Variants in CYP2J2 observed in about 807,000 individuals in gnomAD.
CYP2J2 encodes cytochrome P450 2J2.
CYP2J2 carries 41 observed loss-of-function variants against 48.8 expected under a neutral mutation model. The observed-to-expected ratio is 0.84, with a 90% CI of 0.66 to 1.09. The LOEUF (loss-of-function observed/expected upper bound fraction) is 1.09, where lower values mean the gene tolerates loss of function less well. CYP2J2 is among the 50% of genes least tolerant of loss of function. The pLI is 0.00. For missense variants in CYP2J2, 644 were observed against 617.3 expected (o/e 1.04, Z -0.46); for synonymous variants, 221 against 227.1 (o/e 0.97, Z 0.24).
At chr1:59,919,044 A>G (rs978123001) in intron 1 of CYP2J2, among the ~76,000 whole-genome samples, 1 of 152,196 alleles carries the variant, frequency 6.6e-6, no homozygotes, top group Admixed American at 6.5e-5. Context: ...ACATGAAAAG[A>G]GGAAAAGAAA....
intron 7 of CYP2J2, among the ~76,000 whole-genome samples, chr1:59,903,285 G>C (rs1644336504): frequency 6.6e-6 from 1 of 152,184 alleles, no homozygotes; most frequent in Admixed American, 6.5e-5. Flanking sequence ...CACGGAGGCT[G>C]ACCAAAGTGG....
the CYP2J2 span, among the ~76,000 whole-genome samples, chr1:59,967,453 G>A: frequency 6.6e-6 from 1 of 152,228 alleles, no homozygotes; most frequent in Admixed American, 6.5e-5. Context: ...ACCACAAGCA[G>A]CAGGGACAGG....
At chr1:59,893,989 T>C (rs752705497) in intron 8 of CYP2J2, among the ~76,000 whole-genome samples, 160 bp from the exon 9 acceptor site, 12 of 152,100 alleles carry the variant, frequency 7.9e-5, no homozygotes, top group Non-Finnish European at 1.6e-4. Context: ...TGATAACCAC[T>C]TGGGTTCATC....
upstream of CYP2J2, among the ~76,000 whole-genome samples, chr1:59,927,635 G>T (rs567617938): frequency 5.9e-5 from 9 of 152,192 alleles, no homozygotes; most frequent in Non-Finnish European, 1.2e-4. Context: ...CGCCCAGGCT[G>T]GAGTTCAGCT....
chr1:59,893,876 G>A (rs760704610), intron 8 of CYP2J2, 47 bp from the exon 9 acceptor site: 1 of 1,540,254 alleles, frequency 6.5e-7, no homozygotes, highest in African/African-American at 1.4e-5. Context: ...GGTGGCATTT[G>A]TGCCTAGCAG....
At chr1:59,916,214 T>C in intron 1 of CYP2J2, 114 bp from the exon 2 acceptor site, 1 of 847,400 alleles carries the variant, frequency 1.2e-6, no homozygotes, top group Non-Finnish European at 1.9e-6. Context: ...TGTCTGTGTC[T>C]GTGTGTGTAC....
intron 8 of CYP2J2, among the ~76,000 whole-genome samples, chr1:59,898,553 CTGTT>C (rs1189496122): frequency 5.3e-5 from 8 of 152,146 alleles, no homozygotes; most frequent in Non-Finnish European, 8.8e-5. Flanking sequence ...GAGTTTTGGA[CTGTT>C]TGTTATGTAG....
chr1:59,943,491 A>T, the CYP2J2 span, among the ~76,000 whole-genome samples: 1 of 152,234 alleles, frequency 6.6e-6, no homozygotes, highest in African/African-American at 2.4e-5. Context: ...TGCAGAGATT[A>T]GCACGAGTGG....
At chr1:59,968,344 C>T in the CYP2J2 span, among the ~76,000 whole-genome samples, 1 of 152,006 alleles carries the variant, frequency 6.6e-6, no homozygotes, top group South Asian at 2.1e-4. Context: ...CTCCTCAAAC[C>T]CTTGCTTTTT....
the CYP2J2 span, among the ~76,000 whole-genome samples, chr1:59,965,208 G>T: frequency 6.6e-6 from 1 of 152,228 alleles, no homozygotes; most frequent in African/African-American, 2.4e-5. Context: ...TTAGGTTTGA[G>T]ATATCTCTTA....
chr1:59,898,310 TCTTTTGAC>T lies in CYP2J2; in HGVS notation c.1330+2647_1330+2654del, dbSNP rs550260156. On this transcript the variant is annotated intron_variant, in intron 8 of 8. Transcript: ENST00000371204. The stretch of plus-strand genomic sequence containing the variant: ...GAGGCCTGTGTGCTTCCATTCTCCC[TCTTTTGAC>T]CTTATCACCACCATGTGACTAAGCC... 1.6e-4 allele frequency among the ~76,000 whole-genome samples: 25 copies of T among 152,274 alleles called. No homozygotes were observed. The East Asian group carries it at 4.8e-3, about 29-fold the overall frequency.
chr1:59,895,637 ATTTATT>A (rs958182516), intron 8 of CYP2J2, among the ~76,000 whole-genome samples: 14 of 151,474 alleles, frequency 9.2e-5, no homozygotes, highest in Middle Eastern at 3.2e-3. Flanking sequence ...TATTTTTTTG[ATTTATT>A]TTTATTTTTA....
At chr1:59,953,667 G>T in the CYP2J2 span, among the ~76,000 whole-genome samples, 1 of 152,076 alleles carries the variant, frequency 6.6e-6, no homozygotes, top group Admixed American at 6.6e-5. Context: ...TAAATGAATG[G>T]AGGCAGTAGG....
intron 8 of CYP2J2, among the ~76,000 whole-genome samples, chr1:59,896,712 G>A (rs1644272952): frequency 6.6e-6 from 1 of 151,962 alleles, no homozygotes; most frequent in South Asian, 2.1e-4. Flanking sequence ...TCTATTGTGT[G>A]TATTTTTAGT....
At chr1:59,950,916 AAGCAGAAGCTG>A in the CYP2J2 span, among the ~76,000 whole-genome samples, 5 of 152,104 alleles carry the variant, frequency 3.3e-5, no homozygotes, top group East Asian at 9.6e-4. Flanking sequence ...AAGAGGGTGA[AAGCAGAAGCTG>A]CCAGGCTTCT....
At chr1:59,959,966 G>T in the CYP2J2 span, among the ~76,000 whole-genome samples, 1 of 152,126 alleles carries the variant, frequency 6.6e-6, no homozygotes, top group South Asian at 2.1e-4. Context: ...CGGGTGATGG[G>T]TGTATCAAAA....
the CYP2J2 span, among the ~76,000 whole-genome samples, chr1:59,965,723 C>T: frequency 2.0e-5 from 3 of 152,140 alleles, no homozygotes; most frequent in Non-Finnish European, 4.4e-5. Flanking sequence ...GTGATCTTGG[C>T]TCACTGCAAT....
At chr1:59,920,791 G>A (rs1267580859) in intron 1 of CYP2J2, among the ~76,000 whole-genome samples, 1 of 152,082 alleles carries the variant, frequency 6.6e-6, no homozygotes, top group African/African-American at 2.4e-5. Flanking sequence ...TGTGATTTGG[G>A]AGAAAGTTAT....
At chr1:59,931,753 C>G (rs936846191), upstream of CYP2J2, among the ~76,000 whole-genome samples, 2 of 152,010 alleles carry the variant, frequency 1.3e-5, no homozygotes, top group Admixed American at 1.3e-4. Flanking sequence ...AACATAAAAT[C>G]TAGCTAGAAT....
Sources: gnomAD v4.1 joint callset for allele counts (sites outside exome capture counted in the v4.1 genomes callset) on GRCh38, gnomAD v4.1.1 for gene constraint, MANE v1.5 for transcripts, NCBI Gene and HGNC (gene_info 2026-07-23, HGNC 2026-07-21) for gene names.